The following DCHS2 variants were observed in gnomAD, a reference collection of about 807,000 sequenced individuals.
The protein encoded by DCHS2 is dachsous cadherin-related 2.
In DCHS2, 142 loss-of-function variants were observed where a neutral mutation model predicts 182.4. That is an observed-to-expected ratio of 0.78 (90% confidence interval 0.68 to 0.89). The LOEUF (loss-of-function observed/expected upper bound fraction) is 0.89, where lower values mean the gene tolerates loss of function less well. DCHS2 is among the 40% of genes least tolerant of loss of function. DCHS2 has a pLI of 0.00. For missense variants in DCHS2, 4,319 were observed against 4,198.6 expected (o/e 1.03, Z -0.79); for synonymous variants, 1,740 against 1,663.3 (o/e 1.05, Z -1.12).
chr4:154,401,523 T>C (rs1477334063), intron 1 of DCHS2, among the ~76,000 whole-genome samples: 1 of 152,248 alleles, frequency 6.6e-6, no homozygotes, highest in East Asian at 1.9e-4. Context: ...GTTATCAGAC[T>C]ATATTCTTCC....
intron 16 of DCHS2, among the ~76,000 whole-genome samples, chr4:154,244,264 G>T (rs1484244056): frequency 6.6e-6 from 1 of 152,114 alleles, no homozygotes. Flanking sequence ...TTTCCCCAAG[G>T]TTATACATAC....
intron 1 of DCHS2, among the ~76,000 whole-genome samples, chr4:154,442,577 C>T (rs1251566229): frequency 2.5e-5 from 3 of 118,564 alleles, no homozygotes; most frequent in Admixed American, 1.2e-4. Context: ...ACATTGCTTA[C>T]GTTGACACCT....
intron 1 of DCHS2, among the ~76,000 whole-genome samples, chr4:154,417,654 A>C (rs1360427971): frequency 1.3e-5 from 2 of 152,222 alleles, no homozygotes; most frequent in African/African-American, 2.4e-5. Context: ...TTCAGATTTC[A>C]CTGAGCACCC....
rs917313914 is a variant in DCHS2, at chr4:154,398,099, C to T, written c.2053-20655G>A. Among the ~76,000 whole-genome samples the T allele has an allele frequency of 3.3e-5, 5 of 152,272 alleles. No homozygotes were observed. The East Asian group carries it at 7.7e-4, about 24-fold the overall frequency. ...TGTTTTGGCTTTAAGGAGGAAAAATCCCATCTGGTACATGTTTATCTTCTA... is the reference window on the plus strand; with the variant it reads ...TGTTTTGGCTTTAAGGAGGAAAAATTCCATCTGGTACATGTTTATCTTCTA... On this transcript the variant is annotated intron_variant, in intron 1 of 19. Coordinates refer to ENST00000357232, the MANE Select transcript of DCHS2 (RefSeq NM_001358235.2).
intron 1 of DCHS2, among the ~76,000 whole-genome samples, chr4:154,442,394 G>A (rs1734058614): frequency 6.6e-6 from 1 of 151,788 alleles, no homozygotes; most frequent in African/African-American, 2.4e-5. Context: ...ACTCAAACAT[G>A]CCCTTCCTGA....
intron 12 of DCHS2, among the ~76,000 whole-genome samples, chr4:154,301,035 G>C (rs79950525): frequency 0.016 from 2,497 of 152,208 alleles, 67 homozygotes; most frequent in East Asian, 0.11. Context: ...TCCTAAAATT[G>C]CTCTACCTGA....
intron 1 of DCHS2, among the ~76,000 whole-genome samples, chr4:154,394,328 T>C (rs1013541065): frequency 2.0e-5 from 3 of 152,202 alleles, no homozygotes; most frequent in Admixed American, 1.3e-4. Context: ...GGATTACAGC[T>C]GGTCATTAGG....
chr4:154,360,797 C>T (rs1341856532), intron 3 of DCHS2, among the ~76,000 whole-genome samples: 1 of 152,140 alleles, frequency 6.6e-6, no homozygotes, highest in Non-Finnish European at 1.5e-5. Context: ...TGAGGAACAG[C>T]TGCCCTTGTC....
chr4:154,485,344 T>G (rs1326232937), intron 1 of DCHS2, among the ~76,000 whole-genome samples: 1 of 152,076 alleles, frequency 6.6e-6, no homozygotes, highest in Non-Finnish European at 1.5e-5. Flanking sequence ...TCAGAGAGCA[T>G]GAGAGAGGTT....
chr4:154,240,438 C>A, intron 18 of DCHS2, 99 bp downstream of exon 18: 2 of 1,404,532 alleles, frequency 1.4e-6, no homozygotes, highest in Non-Finnish European at 1.9e-6. Context: ...ACAGTGAATG[C>A]TGTCTATCTG....
At chr4:154,259,847 G>C (rs1732893188) in intron 14 of DCHS2, 91 bp from the exon 15 acceptor site, 1 of 1,352,698 alleles carries the variant, frequency 7.4e-7, no homozygotes, top group Non-Finnish European at 9.7e-7. Context: ...TTTTGAGACA[G>C]AGTCTCGCAC....
rs753217425 is a variant in DCHS2, at chr4:154,333,315, C to T, written c.2893G>A (p.Val965Ile). The T allele has an allele frequency of 1.9e-6, 3 of 1,614,036 alleles. No homozygotes were observed. The highest frequency in any genetic ancestry group is 2.5e-6 in the Non-Finnish European group (3 of 1,180,000). ...GSAPACSSTE[V>I]NITVMDVNDN... Reference sequence around the variant, plus strand: ...TTGACATCCATGACTGTTATGTTGACCTCGGTGCTGCTGCAGGCTGGGGCG... The same window carrying T: ...TTGACATCCATGACTGTTATGTTGATCTCGGTGCTGCTGCAGGCTGGGGCG... The change falls in exon 5 of 20, where the codon GTC (valine) becomes ATC (isoleucine). Residue 965 changes from valine (V) to isoleucine (I), a missense_variant. By Grantham distance (29) the Val-to-Ile change is conservative (BLOSUM62 3). Transcript: ENST00000357232.
At chr4:154,358,227 C>T (rs946893383) in intron 3 of DCHS2, among the ~76,000 whole-genome samples, 4 of 151,970 alleles carry the variant, frequency 2.6e-5, no homozygotes, top group Non-Finnish European at 5.9e-5. Flanking sequence ...TGTTGTTTTC[C>T]TCTCTGGAAT....
At chr4:154,444,662 A>G (rs950257668) in intron 1 of DCHS2, among the ~76,000 whole-genome samples, 8 of 152,052 alleles carry the variant, frequency 5.3e-5, no homozygotes, top group African/African-American at 1.9e-4. Flanking sequence ...CCATCCCACC[A>G]CACAGCTCCA....
rs114291582 is a variant in DCHS2, at chr4:154,307,521, G to A, written c.5261-2290C>T. ...CAGTCCCATGACTTCTTAATCCTCC[G>A]GCTCTAGGATACCTCTCCTCAATTC... is the stretch of plus-strand genomic sequence containing the variant. On this transcript the variant is annotated intron_variant, in intron 10 of 19. Coordinates refer to ENST00000357232, the MANE Select transcript of DCHS2 (RefSeq NM_001358235.2). Among the ~76,000 whole-genome samples, 234 of 152,040 alleles carry A rather than the reference G, an allele frequency of 1.5e-3. 1 individual carries two copies. Among genetic ancestry groups the A allele is most frequent in the Non-Finnish European group, 2.7e-3 (186 of 67,978 alleles).
chr4:154,362,062 T>C (rs552281201), intron 3 of DCHS2, among the ~76,000 whole-genome samples: 1 of 152,166 alleles, frequency 6.6e-6, no homozygotes, highest in African/African-American at 2.4e-5. Context: ...TCTTCTCATA[T>C]GACATAACAT....
chr4:154,260,301 T>C (rs1732927651), intron 14 of DCHS2, among the ~76,000 whole-genome samples: 1 of 152,050 alleles, frequency 6.6e-6, no homozygotes, highest in Non-Finnish European at 1.5e-5. Flanking sequence ...AACTATGAAA[T>C]ACCAAGACCT....
chr4:154,236,007 T>C lies in DCHS2; in HGVS notation c.8645A>G (p.Gln2882Arg), dbSNP rs754157385. 34 of 1,613,956 alleles carry C rather than the reference T, an allele frequency of 2.1e-5. No homozygotes were observed. The highest frequency in any genetic ancestry group is 2.2e-5 in the East Asian group (1 of 44,852). Residue 2882 changes from glutamine (Q) to arginine (R), a missense_variant, in exon 20 of 20, where the codon CAA (glutamine) becomes CGA (arginine). Gln to Arg is a conservative substitution (Grantham distance 43, BLOSUM62 1). Transcript: ENST00000357232. ...GIDEFEPIFT[Q>R]DQYFFTLPEK... ...TGGGAGGGTGAAAAAATACTGATCT[T>C]GAGTGAAAATGGGCTCAAATTCATC...
At chr4:154,478,039 A>T (rs1735758433) in intron 1 of DCHS2, among the ~76,000 whole-genome samples, 1 of 151,422 alleles carries the variant, frequency 6.6e-6, no homozygotes, top group Non-Finnish European at 1.5e-5. Context: ...TGTTTACACT[A>T]GGTGAAGCTT....
Sources: allele counts gnomAD v4.1 joint callset (sites outside exome capture counted in the v4.1 genomes callset), GRCh38; gene constraint gnomAD v4.1.1; transcripts MANE v1.5; gene names NCBI Gene and HGNC (gene_info 2026-07-23, HGNC 2026-07-21).